The following ATP8A2 variants were observed in gnomAD, a reference collection of about 807,000 sequenced individuals.
ATP8A2 encodes ATPase phospholipid transporting 8A2.
Under a neutral mutation model 165.6 loss-of-function variants are expected in ATP8A2, and 100 were observed. The observed-to-expected ratio is 0.60, with a 90% CI of 0.51 to 0.71. ATP8A2 has a LOEUF of 0.71. Among genes scored for constraint, ATP8A2 ranks in the 30% least tolerant of loss-of-function variants. The probability of loss-of-function intolerance (pLI) is 0.00; values close to 1 mark genes in which losing one functional copy is unlikely to be tolerated. For missense variants in ATP8A2, 1,227 were observed against 1,479.5 expected (o/e 0.83, Z 2.80); for synonymous variants, 543 against 548.8 (o/e 0.99, Z 0.15).
At chr13:25,463,915 T>G (rs1299281068) in intron 1 of ATP8A2, among the ~76,000 whole-genome samples, 1 of 152,118 alleles carries the variant, frequency 6.6e-6, no homozygotes, top group East Asian at 1.9e-4. Flanking sequence ...TTCCCTGTTC[T>G]TCACCTGTCC....
At chr13:25,727,358 G>T (rs764730070) in intron 25 of ATP8A2, among the ~76,000 whole-genome samples, 1 of 152,112 alleles carries the variant, frequency 6.6e-6, no homozygotes, top group Non-Finnish European at 1.5e-5. Flanking sequence ...AAATGCTGTG[G>T]CCAACCAGGA....
At chr13:25,591,936 T>G (rs140094789) in intron 24 of ATP8A2, among the ~76,000 whole-genome samples, 1,677 of 152,328 alleles carry the variant, frequency 0.011, 22 homozygotes, top group Admixed American at 0.042. Context: ...TAATTTTACA[T>G]TTCACTTTTT....
At chr13:25,681,282 GT>G (rs1236585062) in intron 24 of ATP8A2, among the ~76,000 whole-genome samples, 1 of 152,190 alleles carries the variant, frequency 6.6e-6, no homozygotes, top group Non-Finnish European at 1.5e-5. Flanking sequence ...GAAAATGAAT[GT>G]TTTTAATTTG....
At chr13:25,854,211 A>G (rs868010952) in intron 30 of ATP8A2, among the ~76,000 whole-genome samples, 2 of 152,186 alleles carry the variant, frequency 1.3e-5, no homozygotes, top group Admixed American at 1.3e-4. Context: ...TCCTGTATTC[A>G]TATGACCAGA....
chr13:25,893,577 G>T (rs1182001), intron 33 of ATP8A2, among the ~76,000 whole-genome samples: 1,613 of 152,076 alleles, frequency 0.011, 24 homozygotes, highest in African/African-American at 0.037. Context: ...GTAATGGGAT[G>T]GCTGGGTCAA....
chr13:25,992,795 G>A lies in ATP8A2; in HGVS notation c.3378-19736G>A, dbSNP rs373137284. Among the ~76,000 whole-genome samples the A allele has an allele frequency of 7.0e-3, 1,064 of 151,116 alleles. 6 individuals are homozygous for A. The highest frequency in any genetic ancestry group is 0.024 in the African/African-American group (970 of 41,056). ...GCTGGTGCGCTGCACCCACTAACTC[G>A]TCATCTAGCATTAGGTATATCTCCC... is the stretch of plus-strand genomic sequence containing the variant. On this transcript the variant is annotated intron_variant, in intron 35 of 36. Transcript: ENST00000381655.
In ATP8A2 at chr13:25,581,823, TG is replaced by T; in HGVS notation, c.2013del (p.Leu671PhefsTer9). ...GAGGATATTTTTTCAATGTAGAATT[TG>T]CTGCTACTTGGAGCCACAGCCATAG... is the stretch of plus-strand genomic sequence containing the variant. The part of the protein sequence containing the change: ...EECYEIIEKN[L>X]LLLGATAIED... On this transcript the variant is annotated frameshift_variant, in exon 23 of 37. Coordinates refer to ENST00000381655, the MANE Select transcript of ATP8A2 (RefSeq NM_016529.6). LOFTEE classifies it high-confidence loss of function. The T allele has an allele frequency of 6.2e-7, 1 of 1,613,834 alleles. No homozygotes were observed. The highest frequency in any genetic ancestry group is 8.5e-7 in the Non-Finnish European group (1 of 1,179,830).
chr13:25,792,625 T>C (rs1034785372), intron 27 of ATP8A2, among the ~76,000 whole-genome samples: 3 of 152,070 alleles, frequency 2.0e-5, no homozygotes, highest in South Asian at 4.1e-4. Context: ...AGGAAATACT[T>C]TGGGCCCAGA....
Position 25,951,183 on chromosome 13 carries a change from G to A in ATP8A2, c.3184-10392G>A, listed in dbSNP as rs140563608. Among the ~76,000 whole-genome samples, 1,068 of 152,308 alleles carry A rather than the reference G, an allele frequency of 7.0e-3. 10 individuals are homozygous for A. The highest frequency in any genetic ancestry group is 0.024 in the African/African-American group (1,012 of 41,552). ...CACACGCAAAAAAAGACTTGTAGAAGCTTGTAAATAGCAGCCTTATTCTTA... is the reference window on the plus strand; with the variant it reads ...CACACGCAAAAAAAGACTTGTAGAAACTTGTAAATAGCAGCCTTATTCTTA... On this transcript the variant is annotated intron_variant, in intron 33 of 36. Transcript: ENST00000381655.
chr13:25,655,499 T>C (rs10467673), intron 24 of ATP8A2, among the ~76,000 whole-genome samples: 8,555 of 152,256 alleles, frequency 0.056, 803 homozygotes, highest in African/African-American at 0.19. Flanking sequence ...ATTATTATTG[T>C]TGCAGTTGAA....
chr13:25,632,782 G>T (rs1279292399), intron 24 of ATP8A2, among the ~76,000 whole-genome samples: 1 of 152,126 alleles, frequency 6.6e-6, no homozygotes, highest in Non-Finnish European at 1.5e-5. Context: ...TTGACAGTCT[G>T]CGTCTTCTGT....
intron 36 of ATP8A2, among the ~76,000 whole-genome samples, chr13:26,018,034 T>C (rs1038711236): frequency 3.4e-4 from 52 of 152,338 alleles, no homozygotes; most frequent in African/African-American, 1.2e-3. Flanking sequence ...GCTCAGCTTG[T>C]ATCACCTTCT....
chr13:25,478,160 C>G (rs1052068585), intron 2 of ATP8A2, among the ~76,000 whole-genome samples: 26 of 151,252 alleles, frequency 1.7e-4, no homozygotes, highest in African/African-American at 4.9e-4. Context: ...ATGGGAAAAC[C>G]CTTACTCTCG....
chr13:25,441,646 A>T lies in ATP8A2; in HGVS notation c.77-27331A>T, dbSNP rs141718182. 3.2e-3 allele frequency among the ~76,000 whole-genome samples: 486 copies of T among 152,296 alleles called. 4 individuals are homozygous for T. Among genetic ancestry groups the T allele is most frequent in the African/African-American group, 0.011 (468 of 41,560 alleles). On this transcript the variant is annotated intron_variant, in intron 1 of 36. Coordinates refer to ENST00000381655, the MANE Select transcript of ATP8A2 (RefSeq NM_016529.6). The stretch of plus-strand genomic sequence containing the variant: ...ATAAACATTGTTGTATTTCCAGGAA[A>T]ATTGCCATAGTAAACAAACACCCAA...
At chr13:25,793,401 A>G (rs1203059939) in intron 27 of ATP8A2, among the ~76,000 whole-genome samples, 2 of 152,170 alleles carry the variant, frequency 1.3e-5, no homozygotes, top group South Asian at 2.1e-4. Flanking sequence ...CTGCCCAGCC[A>G]TTTCTACATG....
chr13:25,452,507 C>A (rs915971532), intron 1 of ATP8A2, among the ~76,000 whole-genome samples: 1 of 151,990 alleles, frequency 6.6e-6, no homozygotes, highest in Non-Finnish European at 1.5e-5. Context: ...TTGAGAAAAG[C>A]ACTATTAAAG....
intron 36 of ATP8A2, among the ~76,000 whole-genome samples, chr13:26,017,929 G>T (rs950996627): frequency 5.0e-4 from 76 of 152,196 alleles, no homozygotes; most frequent in Admixed American, 3.1e-3. Flanking sequence ...TGGTTTGTAG[G>T]TTTTGTTTTG....
chr13:25,384,912 A>G (rs1023709982), intron 1 of ATP8A2, among the ~76,000 whole-genome samples: 1 of 152,196 alleles, frequency 6.6e-6, no homozygotes. Flanking sequence ...GCTGTGTGAC[A>G]CTGCCTTGAG....
At chr13:25,969,953 T>C (rs1955875859) in intron 35 of ATP8A2, among the ~76,000 whole-genome samples, 1 of 152,128 alleles carries the variant, frequency 6.6e-6, no homozygotes, top group African/African-American at 2.4e-5. Flanking sequence ...GCTCAGGACC[T>C]GTTAGAGTTT....
Sources: allele counts gnomAD v4.1 joint callset (sites outside exome capture counted in the v4.1 genomes callset), GRCh38; gene constraint gnomAD v4.1.1; transcripts MANE v1.5; gene names NCBI Gene and HGNC (gene_info 2026-07-23, HGNC 2026-07-21).